PRKDC: variants seen among roughly 807,000 people sequenced by gnomAD.
PRKDC encodes the protein DNA-dependent protein kinase catalytic subunit.
PRKDC carries 82 observed loss-of-function variants against 486.9 expected under a neutral mutation model. The ratio of observed to expected loss-of-function variants is 0.17; its 90% CI spans 0.14 to 0.20. PRKDC has a LOEUF of 0.20. Ranked by LOEUF, PRKDC falls within the 10% of genes least tolerant of loss-of-function variation. The pLI is 1.00. For missense variants in PRKDC, 4,504 were observed against 5,038.2 expected, an observed-to-expected ratio of 0.89 and a Z score of 3.21; for synonymous variants, 1,895 against 1,837.0, an observed-to-expected ratio of 1.03 and a Z score of -0.81.
At chr8:47,779,835 G>A (rs535703232) in intron 80 of PRKDC, among the ~76,000 whole-genome samples, 241 of 151,038 alleles carry the variant, frequency 1.6e-3, no homozygotes, top group Non-Finnish European at 2.4e-3. Context: ...TGATCCGCCC[G>A]CCTCGGCCTC....
intron 19 of PRKDC, 109 bp from the exon 20 acceptor site, chr8:47,927,999 T>C (rs2090181668): frequency 1.9e-6 from 2 of 1,043,176 alleles, no homozygotes; most frequent in South Asian, 3.5e-5. Flanking sequence ...ACGTAGCCTT[T>C]ATTGACATGA....
chr8:47,863,130 C>A (rs1446906557), intron 42 of PRKDC, among the ~76,000 whole-genome samples: 1 of 152,046 alleles, frequency 6.6e-6, no homozygotes, highest in Non-Finnish European at 1.5e-5. Flanking sequence ...ATATATCAAG[C>A]TATTCAAGGG....
intron 76 of PRKDC, among the ~76,000 whole-genome samples, chr8:47,785,737 A>T (rs1291142757): frequency 7.0e-6 from 1 of 142,442 alleles, no homozygotes; most frequent in Non-Finnish European, 1.5e-5. Context: ...CCGTGTCTCT[A>T]AAAAAAAAAA....
At position 47,939,700 on chromosome 8, in the gene PRKDC, G is replaced by A; in HGVS notation, c.967-3C>T. On this transcript the variant is annotated splice_polypyrimidine_tract_variant and splice_region_variant and intron_variant, in intron 10 of 85. Transcript: ENST00000314191. ...TTTTTCGCCACCATATTAGAAACCTGCAAATACATAATATTTATTTTTTTG... is the reference window on the plus strand; with the variant it reads ...TTTTTCGCCACCATATTAGAAACCTACAAATACATAATATTTATTTTTTTG... 3 of 1,577,340 alleles carry A rather than the reference G, an allele frequency of 1.9e-6. No individual in the cohort carries two copies. The highest frequency in any genetic ancestry group is 2.3e-5 in the South Asian group (2 of 85,592).
intron 67 of PRKDC, among the ~76,000 whole-genome samples, chr8:47,818,570 C>T: frequency 8.8e-6 from 1 of 113,220 alleles, no homozygotes; most frequent in Non-Finnish European, 1.6e-5. Context: ...CAGAGTGAGA[C>T]TCCGTCTCAA....
chr8:47,817,874 G>A (rs529253858), intron 67 of PRKDC, among the ~76,000 whole-genome samples: 2 of 152,094 alleles, frequency 1.3e-5, no homozygotes, highest in Non-Finnish European at 2.9e-5. Context: ...ATTTTCATGG[G>A]GTTGAAGCAA....
intron 40 of PRKDC, among the ~76,000 whole-genome samples, chr8:47,875,614 T>A (rs1011270341): frequency 6.6e-6 from 1 of 152,240 alleles, no homozygotes. Context: ...TTTATTCTTA[T>A]TTTATTCAGA....
At chr8:47,891,931 C>T (rs1017768263) in intron 31 of PRKDC, among the ~76,000 whole-genome samples, 4 of 151,972 alleles carry the variant, frequency 2.6e-5, no homozygotes, top group South Asian at 2.1e-4. Context: ...TGCTCTGGTG[C>T]GATCTCAGCT....
At chr8:47,828,374 A>G in intron 61 of PRKDC, 27 bp from the exon 62 acceptor site, 11 of 1,528,262 alleles carry the variant, frequency 7.2e-6, no homozygotes, top group Non-Finnish European at 9.6e-6. Flanking sequence ...ACAAAGACAA[A>G]TTAGGATCTG....
At chr8:47,801,216 C>T (rs2087102074) in intron 70 of PRKDC, among the ~76,000 whole-genome samples, 1 of 152,078 alleles carries the variant, frequency 6.6e-6, no homozygotes, top group South Asian at 2.1e-4. Flanking sequence ...GGACTACAGG[C>T]TTGCACCACC....
intron 49 of PRKDC, among the ~76,000 whole-genome samples, chr8:47,855,864 T>C (rs910571411): frequency 5.3e-5 from 8 of 152,324 alleles, no homozygotes; most frequent in African/African-American, 1.7e-4. Context: ...TGCACCACTC[T>C]AGGGGCAAAC....
intron 50 of PRKDC, among the ~76,000 whole-genome samples, chr8:47,854,441 C>T (rs566810044): frequency 6.6e-6 from 1 of 152,284 alleles, no homozygotes; most frequent in Non-Finnish European, 1.5e-5. Flanking sequence ...TGGGTTCACG[C>T]CATTCTCCTG....
At chr8:47,817,157 T>A (rs1468559673) in intron 68 of PRKDC, among the ~76,000 whole-genome samples, 2 of 152,190 alleles carry the variant, frequency 1.3e-5, no homozygotes, top group East Asian at 3.9e-4. Flanking sequence ...TACTTAACAT[T>A]CCGTTGTGAG....
At chr8:47,822,807 A>G (rs191441137) in intron 64 of PRKDC, among the ~76,000 whole-genome samples, 18 of 152,010 alleles carry the variant, frequency 1.2e-4, no homozygotes, top group African/African-American at 4.3e-4. Context: ...AACAAACAAA[A>G]CCTGGACTGC....
chr8:47,874,423 C>T (rs2089041807), intron 40 of PRKDC, among the ~76,000 whole-genome samples: 1 of 152,054 alleles, frequency 6.6e-6, no homozygotes, highest in Non-Finnish European at 1.5e-5. Context: ...TCATGTACCC[C>T]ATAAATATAT....
chr8:47,773,763 T>C lies in PRKDC; in HGVS notation c.*410A>G, dbSNP rs2086559593. ...CTTTACTCTCCCAAAATCTTGGTGA[T>C]GAAGCCTTCTGAGTGTGCTTTCCAA... On this transcript the variant is annotated 3_prime_UTR_variant, in exon 86 of 86. Coordinates refer to ENST00000314191, the MANE Select transcript of PRKDC (RefSeq NM_006904.7). 4.2e-6 allele frequency: 1 copy of C among 237,104 alleles called. No homozygotes were observed. 14.7% of individuals were successfully genotyped at this position (237,104 alleles called of 1,614,324 possible).
At chr8:47,852,846 AAATGAC>A in intron 51 of PRKDC, 62 bp from the exon 52 acceptor site, 1 of 1,120,510 alleles carries the variant, frequency 8.9e-7, no homozygotes, top group Non-Finnish European at 1.3e-6. Context: ...CCACAAATAT[AAATGAC>A]AATTTTCCTT....
intron 39 of PRKDC, 116 bp from the exon 40 acceptor site, chr8:47,877,967 C>G: frequency 4.2e-6 from 3 of 714,152 alleles, no homozygotes; most frequent in Non-Finnish European, 5.7e-6. Flanking sequence ...ATATAACATA[C>G]AGAAAAATAC....
intron 7 of PRKDC, among the ~76,000 whole-genome samples, chr8:47,944,668 A>C (rs2090501373): frequency 6.6e-6 from 1 of 152,220 alleles, no homozygotes; most frequent in African/African-American, 2.4e-5. Context: ...AATTATTTGC[A>C]TAACTGTCTC....
Sources: allele counts gnomAD v4.1 joint callset (sites outside exome capture counted in the v4.1 genomes callset), GRCh38; gene constraint gnomAD v4.1.1; transcripts MANE v1.5; gene names NCBI Gene and HGNC (gene_info 2026-07-23, HGNC 2026-07-21).